The following NRXN3 variants were observed in gnomAD, a reference collection of about 807,000 sequenced individuals.
NRXN3 encodes the protein neurexin 3, also known as neurexin III.
NRXN3 carries 32 observed loss-of-function variants against 137.6 expected under a neutral mutation model. That is an observed-to-expected ratio of 0.23 (90% CI 0.18 to 0.31). NRXN3 has a LOEUF of 0.31. NRXN3 is among the 10% of genes least tolerant of loss of function. NRXN3 has a pLI of 1.00. For synonymous variants in NRXN3, 798 were observed against 784.5 expected (o/e 1.02, Z -0.29); for missense variants, 1,574 against 2,062.5 (o/e 0.76, Z 4.59).
At chr14:78,774,219 G>A (rs540477681) in intron 8 of NRXN3, among the ~76,000 whole-genome samples, 6 of 152,256 alleles carry the variant, frequency 3.9e-5, no homozygotes, top group Non-Finnish European at 7.4e-5. Context: ...GTCACATAGC[G>A]TTATGATGGT....
At chr14:79,553,389 G>T (rs75869382) in intron 16 of NRXN3, among the ~76,000 whole-genome samples, 12,449 of 152,026 alleles carry the variant, frequency 0.082, 563 homozygotes, top group Middle Eastern at 0.14. Context: ...AATTTAATTC[G>T]CCCAAAGGCT....
At chr14:79,779,931 C>G (rs75094233) in intron 19 of NRXN3, among the ~76,000 whole-genome samples, 1 of 152,080 alleles carries the variant, frequency 6.6e-6, no homozygotes, top group Non-Finnish European at 1.5e-5. Context: ...GTGGTGCAAT[C>G]TCAGCTTACA....
chr14:79,487,531 C>T (rs971885365), intron 16 of NRXN3, among the ~76,000 whole-genome samples: 1 of 152,142 alleles, frequency 6.6e-6, no homozygotes, highest in Non-Finnish European at 1.5e-5. Flanking sequence ...TGCAGCTGGG[C>T]GGGAACACAG....
chr14:79,386,897 A>G (rs1466774238), intron 15 of NRXN3, among the ~76,000 whole-genome samples: 2 of 152,246 alleles, frequency 1.3e-5, no homozygotes, highest in Non-Finnish European at 2.9e-5. Context: ...CTGGCTAGCC[A>G]TATGTAGAAA....
At chr14:79,730,615 A>G (rs956887651) in intron 19 of NRXN3, among the ~76,000 whole-genome samples, 4 of 152,340 alleles carry the variant, frequency 2.6e-5, no homozygotes, top group Admixed American at 2.6e-4. Flanking sequence ...GTACATTTTT[A>G]TCTCTGTAGC....
chr14:79,547,014 T>C lies in NRXN3; in HGVS notation c.3444+79612T>C, dbSNP rs79912810. Among the ~76,000 whole-genome samples, 541 of 152,278 alleles carry C rather than the reference T, an allele frequency of 3.6e-3. 2 individuals are homozygous for C. Among genetic ancestry groups the C allele is most frequent in the African/African-American group, 0.012 (483 of 41,566 alleles). On this transcript the variant is annotated intron_variant, in intron 16 of 20. Transcript: ENST00000335750. ...ATCAAATATTGATCAGATAGTCCCCTAACTTACCAACTTCCCTCTTAATGA... is the reference window on the plus strand; with the variant it reads ...ATCAAATATTGATCAGATAGTCCCCCAACTTACCAACTTCCCTCTTAATGA...
chr14:78,418,263 T>C (rs996804106), intron 4 of NRXN3, among the ~76,000 whole-genome samples: 5 of 152,236 alleles, frequency 3.3e-5, no homozygotes, highest in African/African-American at 9.6e-5. Flanking sequence ...GCTCCATTTC[T>C]GGGGCTTTTG....
chr14:79,821,619 A>AT (rs1236383872), intron 20 of NRXN3, among the ~76,000 whole-genome samples: 5 of 149,540 alleles, frequency 3.3e-5, no homozygotes, highest in Admixed American at 2.0e-4. Flanking sequence ...TCTTGGTGAC[A>AT]TTATCAAATT....
chr14:78,475,620 C>G (rs2095365202), intron 4 of NRXN3, among the ~76,000 whole-genome samples: 1 of 152,148 alleles, frequency 6.6e-6, no homozygotes, highest in Admixed American at 6.5e-5. Context: ...CCAAAGCCTA[C>G]AAATTACCGC....
intron 15 of NRXN3, among the ~76,000 whole-genome samples, chr14:78,996,184 C>G (rs924203571): frequency 1.3e-5 from 2 of 152,114 alleles, no homozygotes; most frequent in South Asian, 4.1e-4. Context: ...TTGAATACCT[C>G]TTTCATACAC....
At chr14:78,772,236 T>C (rs2098730690) in intron 8 of NRXN3, among the ~76,000 whole-genome samples, 2 of 152,222 alleles carry the variant, frequency 1.3e-5, no homozygotes, top group Admixed American at 1.3e-4. Context: ...CTGGTTTCAA[T>C]GAAAATGTAT....
intron 4 of NRXN3, among the ~76,000 whole-genome samples, chr14:78,375,279 C>T (rs776227733): frequency 7.9e-5 from 12 of 152,266 alleles, no homozygotes; most frequent in African/African-American, 1.7e-4. Flanking sequence ...GCAAATTAAC[C>T]GTAGGGATGC....
intron 4 of NRXN3, among the ~76,000 whole-genome samples, chr14:78,573,347 A>G (rs1325447140): frequency 6.6e-6 from 1 of 152,192 alleles, no homozygotes; most frequent in Non-Finnish European, 1.5e-5. Context: ...AGGTTGGAAC[A>G]TGTTGGAGAG....
At chr14:79,198,276 T>C (rs1342234415) in intron 15 of NRXN3, among the ~76,000 whole-genome samples, 2 of 152,266 alleles carry the variant, frequency 1.3e-5, no homozygotes, top group African/African-American at 2.4e-5. Flanking sequence ...GTATGTAATG[T>C]AGATTTAAAA....
chr14:79,012,499 T>C (rs917440542), intron 15 of NRXN3, among the ~76,000 whole-genome samples: 4 of 151,858 alleles, frequency 2.6e-5, no homozygotes, highest in Admixed American at 1.3e-4. Context: ...GAGTGGGAAA[T>C]TGGGGCCATA....
chr14:79,132,661 G>T (rs2057705246), intron 15 of NRXN3, among the ~76,000 whole-genome samples: 1 of 152,034 alleles, frequency 6.6e-6, no homozygotes, highest in Non-Finnish European at 1.5e-5. Flanking sequence ...AACTTTATTT[G>T]GTCTTCATCA....
At chr14:79,484,848 T>G (rs1489442445) in intron 16 of NRXN3, among the ~76,000 whole-genome samples, 2 of 152,202 alleles carry the variant, frequency 1.3e-5, no homozygotes, top group Non-Finnish European at 2.9e-5. Flanking sequence ...GGCCCACATA[T>G]TCAGATCTTT....
At chr14:79,716,199 C>T (rs1368285843) in intron 19 of NRXN3, among the ~76,000 whole-genome samples, 2 of 152,162 alleles carry the variant, frequency 1.3e-5, no homozygotes, top group African/African-American at 4.8e-5. Flanking sequence ...GTGCAGATCC[C>T]CTTAGTGAAA....
At chr14:78,999,379 G>T (rs1025498292) in intron 15 of NRXN3, among the ~76,000 whole-genome samples, 1 of 152,242 alleles carries the variant, frequency 6.6e-6, no homozygotes, top group East Asian at 1.9e-4. Flanking sequence ...ATATGACCTT[G>T]TTTCAGAATA....
Sources: gnomAD v4.1 joint callset for allele counts (sites outside exome capture counted in the v4.1 genomes callset) on GRCh38, gnomAD v4.1.1 for gene constraint, MANE v1.5 for transcripts, NCBI Gene and HGNC (gene_info 2026-07-23, HGNC 2026-07-21) for gene names.